Variants in COX7B2 observed in about 807,000 individuals in gnomAD.
COX7B2 encodes cytochrome c oxidase subunit 7B2, mitochondrial.
For synonymous variants in COX7B2, 37 were observed against 32.1 expected (o/e 1.15, Z -0.51); for missense variants, 109 against 95.9 (o/e 1.14, Z -0.57).
intron 1 of COX7B2, among the ~76,000 whole-genome samples, chr4:46,868,688 C>A (rs1010391418): frequency 7.9e-5 from 12 of 152,128 alleles, no homozygotes; most frequent in Admixed American, 4.6e-4. Flanking sequence ...TTTAAGCAAT[C>A]TTCTTAGTCC....
In COX7B2 at chr4:46,762,282, CAT is replaced by C. The variant is rs1187562851; in HGVS notation, c.-49-27043_-49-27042del. Among the ~76,000 whole-genome samples, 17 of 70,354 alleles carry C rather than the reference CAT, an allele frequency of 2.4e-4. No homozygotes were observed. The East Asian group carries it at 4.1e-3, about 17-fold the overall frequency. 46.2% of individuals were successfully genotyped at this position (70,354 alleles called of 152,430 possible). On this transcript the variant is annotated intron_variant, in intron 2 of 2. Coordinates refer to ENST00000355591, the MANE Select transcript of COX7B2 (RefSeq NM_130902.3). ...TATAATATATTTAATATATATGTAA[CAT>C]ATATAAAATATATATAGTGTTATAT... is the stretch of plus-strand genomic sequence containing the variant.
In COX7B2 at chr4:46,880,831, T is replaced by C. The variant is rs545038957; in HGVS notation, c.-105+28329A>G. 1.2e-4 allele frequency among the ~76,000 whole-genome samples: 8 copies of C among 66,276 alleles called. No homozygotes were observed. The South Asian group carries it at 4.7e-3, about 39-fold the overall frequency. 43.5% of individuals were successfully genotyped at this position (66,276 alleles called of 152,430 possible). Reference sequence around the variant, plus strand: ...ACACAGGAAGGGGAATATCACACTCTGGGGACTGTGGTGGGGTTGGGGGAG... The same window carrying C: ...ACACAGGAAGGGGAATATCACACTCCGGGGACTGTGGTGGGGTTGGGGGAG... On this transcript the variant is annotated intron_variant, in intron 1 of 2. Transcript: ENST00000355591.
At chr4:46,802,871 T>C (rs1474377014) in intron 2 of COX7B2, among the ~76,000 whole-genome samples, 1 of 152,154 alleles carries the variant, frequency 6.6e-6, no homozygotes, top group Non-Finnish European at 1.5e-5. Flanking sequence ...CATAGTGCTA[T>C]AAAACTGTGA....
chr4:46,899,865 G>A (rs1329624708), intron 1 of COX7B2, among the ~76,000 whole-genome samples: 1 of 152,066 alleles, frequency 6.6e-6, no homozygotes, highest in Non-Finnish European at 1.5e-5. Context: ...GTGTTAACAG[G>A]TTTATGAAGC....
At chr4:46,814,843 T>A (rs969901233) in intron 2 of COX7B2, among the ~76,000 whole-genome samples, 2 of 152,186 alleles carry the variant, frequency 1.3e-5, no homozygotes, top group African/African-American at 4.8e-5. Context: ...ATTCTATCAT[T>A]CTTCTATATC....
chr4:46,818,488 T>A (rs920712249), intron 2 of COX7B2, among the ~76,000 whole-genome samples: 2 of 151,458 alleles, frequency 1.3e-5, no homozygotes, highest in Non-Finnish European at 2.9e-5. Flanking sequence ...TACAAAAAAA[T>A]TAGCTGGGTG....
At chr4:46,812,690 T>A (rs1316909086) in intron 2 of COX7B2, among the ~76,000 whole-genome samples, 1 of 152,036 alleles carries the variant, frequency 6.6e-6, no homozygotes, top group Non-Finnish European at 1.5e-5. Context: ...CAGTTCCAGG[T>A]AGGGAGGACA....
intron 2 of COX7B2, among the ~76,000 whole-genome samples, chr4:46,812,251 T>G (rs1719320514): frequency 6.6e-6 from 1 of 151,972 alleles, no homozygotes; most frequent in Admixed American, 6.6e-5. Context: ...GAGAATGCAA[T>G]TCTCCCACTA....
At chr4:46,882,986 G>A (rs1718845608) in intron 1 of COX7B2, among the ~76,000 whole-genome samples, 1 of 152,038 alleles carries the variant, frequency 6.6e-6, no homozygotes. Flanking sequence ...ATATGTTTCA[G>A]CTAGGTAACA....
intron 1 of COX7B2, among the ~76,000 whole-genome samples, chr4:46,852,152 T>C (rs1419949278): frequency 6.6e-6 from 1 of 152,082 alleles, no homozygotes; most frequent in African/African-American, 2.4e-5. Context: ...CTCTTTTCCC[T>C]CATGTATTTA....
At chr4:46,738,516 A>C (rs1293759509) in intron 2 of COX7B2, among the ~76,000 whole-genome samples, 1 of 152,038 alleles carries the variant, frequency 6.6e-6, no homozygotes, top group Non-Finnish European at 1.5e-5. Flanking sequence ...CATCCGTCTC[A>C]ACTGCCTTCA....
At chr4:46,755,915 C>A (rs953785987) in intron 2 of COX7B2, among the ~76,000 whole-genome samples, 2 of 151,960 alleles carry the variant, frequency 1.3e-5, no homozygotes, top group South Asian at 4.1e-4. Context: ...CAATGCAATC[C>A]TTATCAAATG....
intron 2 of COX7B2, among the ~76,000 whole-genome samples, chr4:46,825,193 C>T (rs557602056): frequency 1.3e-4 from 20 of 152,172 alleles, no homozygotes; most frequent in African/African-American, 4.8e-4. Flanking sequence ...TTGCAGAATA[C>T]AAAATCAATG....
intron 2 of COX7B2, among the ~76,000 whole-genome samples, chr4:46,760,447 T>A (rs1716078799): frequency 6.6e-6 from 1 of 151,972 alleles, no homozygotes; most frequent in Non-Finnish European, 1.5e-5. Flanking sequence ...CTCAGCAAAC[T>A]AACACAAGAA....
At chr4:46,825,598 A>AG (rs1714629133) in intron 2 of COX7B2, among the ~76,000 whole-genome samples, 1 of 152,224 alleles carries the variant, frequency 6.6e-6, no homozygotes, top group African/African-American at 2.4e-5. Context: ...AAAAGGAACA[A>AG]AGCTGGAGGC....
intron 1 of COX7B2, among the ~76,000 whole-genome samples, chr4:46,899,685 T>A (rs1336309651): frequency 1.3e-5 from 2 of 152,230 alleles, no homozygotes; most frequent in Non-Finnish European, 2.9e-5. Flanking sequence ...AACTTAAATT[T>A]CATCCACAAA....
At chr4:46,782,048 C>T (rs371643410) in intron 2 of COX7B2, among the ~76,000 whole-genome samples, 9 of 152,186 alleles carry the variant, frequency 5.9e-5, no homozygotes, top group African/African-American at 9.6e-5. Context: ...AGTACGGGCA[C>T]GTGGCGCGGA....
chr4:46,763,168 A>G (rs942140267), intron 2 of COX7B2, among the ~76,000 whole-genome samples: 2 of 122,746 alleles, frequency 1.6e-5, no homozygotes, highest in African/African-American at 3.1e-5. Flanking sequence ...TATTTACAAT[A>G]TATATTTATA....
intron 1 of COX7B2, among the ~76,000 whole-genome samples, chr4:46,853,030 T>C (rs1016597381): frequency 6.6e-6 from 1 of 152,186 alleles, no homozygotes; most frequent in Non-Finnish European, 1.5e-5. Flanking sequence ...AATTCAATAG[T>C]AATGAGTCAG....
Sources: gnomAD v4.1 joint callset for allele counts (sites outside exome capture counted in the v4.1 genomes callset) on GRCh38, gnomAD v4.1.1 for gene constraint, MANE v1.5 for transcripts, NCBI Gene and HGNC (gene_info 2026-07-23, HGNC 2026-07-21) for gene names.